Variants in IL15RA observed in about 807,000 individuals in gnomAD.
IL15RA encodes interleukin 15 receptor subunit alpha, also known as interleukin-15 receptor subunit alpha.
In IL15RA, 26 loss-of-function variants were observed where a neutral mutation model predicts 24.2. That is an observed-to-expected ratio of 1.07 (90% CI 0.79 to 1.49). The LOEUF is 1.49. IL15RA is among the 40% of genes most tolerant of loss of function. The pLI, the probability that IL15RA is intolerant of heterozygous loss-of-function variation, is 0.00. For missense variants in IL15RA, 354 were observed against 356.4 expected, an observed-to-expected ratio of 0.99 and a Z score of 0.05; for synonymous variants, 166 against 157.6, an observed-to-expected ratio of 1.05 and a Z score of -0.40.
chr10:5,960,647 G>A lies in IL15RA; in HGVS notation c.383-80C>T. The A allele has an allele frequency of 8.0e-7, 1 of 1,253,072 alleles. No individual in the cohort carries two copies. The highest frequency in any genetic ancestry group is 1.1e-6 in the Non-Finnish European group (1 of 873,358). The allele number at this position is 1,253,072 out of a possible 1,614,324, so 77.6% of individuals were successfully genotyped here. ...AGCTGCAGCACGGGGTGATGTGGGA[G>A]CTGCCATAGTGAGTCACCCTGACCA... On this transcript the variant is annotated intron_variant, in intron 3 of 6. Coordinates refer to ENST00000379977, the MANE Select transcript of IL15RA (RefSeq NM_002189.4). The surrounding 1 kb of genome is among the most constrained non-coding windows in gnomAD (Gnocchi z 5.1).
At chr10:5,976,160 C>A (rs1230071809) in intron 1 of IL15RA, among the ~76,000 whole-genome samples, 2 of 152,148 alleles carry the variant, frequency 1.3e-5, no homozygotes, top group African/African-American at 4.8e-5. Context: ...ACACTGCTAG[C>A]CAACTGGGAG....
chr10:5,951,554 C>T (rs117215854), downstream of IL15RA, among the ~76,000 whole-genome samples: 359 of 152,156 alleles, frequency 2.4e-3, 8 homozygotes, highest in East Asian at 0.062. Flanking sequence ...GGCTGGGCGC[C>T]GTGGCTCACG....
chr10:5,949,139 G>A (rs186196232), downstream of IL15RA: 5 of 450,078 alleles, frequency 1.1e-5, no homozygotes, highest in Admixed American at 9.6e-5. This position sits in a 1 kb window ranked among gnomAD's most constrained non-coding sequence, Gnocchi z 4.4. Context: ...AGGGTCATTG[G>A]GAGGAGCCCA....
Position 5,967,542 on chromosome 10 carries a change from T to C in IL15RA, c.89-1203A>G, listed in dbSNP as rs947744615. 6.6e-6 allele frequency among the ~76,000 whole-genome samples: 1 copy of C among 152,214 alleles called. No homozygotes were observed. The highest frequency in any genetic ancestry group is 2.4e-5 in the African/African-American group (1 of 41,464). On this transcript the variant is annotated intron_variant, in intron 1 of 6. Coordinates refer to ENST00000379977, the MANE Select transcript of IL15RA (RefSeq NM_002189.4). The surrounding 1 kb of genome is among the most constrained non-coding windows in gnomAD (Gnocchi z 4.4). ...CCTTTGCAACTGCAAAGACACCTTATTCCCCATGAAGCATCATTTTCCCAA... is the reference window on the plus strand; with the variant it reads ...CCTTTGCAACTGCAAAGACACCTTACTCCCCATGAAGCATCATTTTCCCAA...
At position 5,975,924 on chromosome 10, in the gene IL15RA, A is replaced by G. The variant is rs1320693751; in HGVS notation, c.88+1481T>C. On this transcript the variant is annotated intron_variant, in intron 1 of 6. Coordinates refer to ENST00000379977, the MANE Select transcript of IL15RA (RefSeq NM_002189.4). This position sits in a 1 kb window ranked among gnomAD's most constrained non-coding sequence, Gnocchi z 4.8. Reference sequence around the variant, plus strand: ...GAAAACAAGAAAGAAAGAAAAAGAAAAAGAAAAAACATTGAGAGCTTTGGG... The same window carrying G: ...GAAAACAAGAAAGAAAGAAAAAGAAGAAGAAAAAACATTGAGAGCTTTGGG... 6.6e-6 allele frequency among the ~76,000 whole-genome samples: 1 copy of G among 152,088 alleles called. No individual in the cohort carries two copies. Among genetic ancestry groups the G allele is most frequent in the African/African-American group, 2.4e-5 (1 of 41,426 alleles).
rs146869620 is a variant in IL15RA, at chr10:5,963,790, G to A, written c.335C>T (p.Thr112Met). 188 of 1,536,034 alleles carry A rather than the reference G, an allele frequency of 1.2e-4. No homozygotes were observed. In the African/African-American group the frequency reaches 2.2e-3, roughly 18 times the overall value. The change falls in exon 3 of 7, where the codon ACG becomes ATG. Residue 112 changes from threonine (T) to methionine (M), a missense_variant. Physicochemically the swap from Thr to Met is moderately conservative, Grantham distance 81. Transcript: ENST00000379977. The surrounding 1 kb of genome is among the most constrained non-coding windows in gnomAD (Gnocchi z 5.3). ...CTCTGGCTGTGGGGTCACCCCTGCC[G>A]TCGTTACTGTGGAGGGTGGCGCTGG... ...QRPAPPSTVT[T>M]AGVTPQPESL...
chr10:5,978,709 A>G (rs866636772), upstream of IL15RA, among the ~76,000 whole-genome samples: 3 of 152,310 alleles, frequency 2.0e-5, no homozygotes, highest in Middle Eastern at 3.4e-3. The surrounding 1 kb of genome is among the most constrained non-coding windows in gnomAD (Gnocchi z 5.2). Flanking sequence ...TAGCCTGGCC[A>G]ACATGGTGAA....
intron 1 of IL15RA, among the ~76,000 whole-genome samples, chr10:5,976,394 C>A (rs2132756178): frequency 6.6e-6 from 1 of 152,304 alleles, no homozygotes; most frequent in East Asian, 1.9e-4. Flanking sequence ...TATTCAGGGT[C>A]TCGCTTAAAA....
Position 5,953,128 on chromosome 10 carries a change from A to T in IL15RA, c.771T>A (p.Asp257Glu). 1 of 1,614,208 alleles carries T rather than the reference A, an allele frequency of 6.2e-7. No individual in the cohort carries two copies. Among genetic ancestry groups the T allele is most frequent in the Non-Finnish European group, 8.5e-7 (1 of 1,179,998 alleles). The change falls in exon 7 of 7, where the codon GAT becomes GAA. Residue 257 changes from aspartate to glutamate, a missense_variant. Physicochemically the swap from Asp to Glu is conservative, Grantham distance 45 (BLOSUM62 2). Coordinates refer to ENST00000379977, the MANE Select transcript of IL15RA (RefSeq NM_002189.4). The surrounding 1 kb of genome is among the most constrained non-coding windows in gnomAD (Gnocchi z 5.3). ...GGTGAGAGCAGTTTTCCAAGTCTTCATCTCTGCTGCTGGTCCCCCAAGTCA... is the reference window on the plus strand; with the variant it reads ...GGTGAGAGCAGTTTTCCAAGTCTTCTTCTCTGCTGCTGGTCCCCCAAGTCA... ...LPVTWGTSSRDEDLENCSHHL is the reference protein window; with the variant it reads ...LPVTWGTSSREEDLENCSHHL
chr10:5,960,366 C>T lies in IL15RA; in HGVS notation c.583+1G>A, dbSNP rs1835296738. On this transcript the variant is annotated splice_donor_variant, in intron 4 of 6. Coordinates refer to ENST00000379977, the MANE Select transcript of IL15RA (RefSeq NM_002189.4). LOFTEE classifies it high-confidence loss of function. This position sits in a 1 kb window ranked among gnomAD's most constrained non-coding sequence, Gnocchi z 5.1. Reference sequence around the variant, plus strand: ...TCTCCTGGGGCAAAGCGAGTGCTAACCTGGCGGCTGGTGGGAGGCGGATGC... The same window carrying T: ...TCTCCTGGGGCAAAGCGAGTGCTAATCTGGCGGCTGGTGGGAGGCGGATGC... 6.2e-7 allele frequency: 1 copy of T among 1,613,942 alleles called. No homozygotes were observed.
At position 5,970,192 on chromosome 10, in the gene IL15RA, G is replaced by A. The variant is rs776372722; in HGVS notation, c.89-3853C>T. ...ACTAGTTTAGTGGTTGTTTTAGGGTGTCCACTATATATCTTTACCTTATCA... is the reference window on the plus strand; with the variant it reads ...ACTAGTTTAGTGGTTGTTTTAGGGTATCCACTATATATCTTTACCTTATCA... On this transcript the variant is annotated intron_variant, in intron 1 of 6. Coordinates refer to ENST00000379977, the MANE Select transcript of IL15RA (RefSeq NM_002189.4). This position sits in a 1 kb window ranked among gnomAD's most constrained non-coding sequence, Gnocchi z 4.1. Among the ~76,000 whole-genome samples, 2 of 152,106 alleles carry A rather than the reference G, an allele frequency of 1.3e-5. No homozygotes were observed. Among genetic ancestry groups the A allele is most frequent in the African/African-American group, 4.8e-5 (2 of 41,412 alleles).
In IL15RA at chr10:5,963,701, G is replaced by GA. The variant is rs1434896797; in HGVS notation, c.382+41_382+42insT. ...ATTGGTGAGCGGGCCTCTGGGTGTTGGGAGGGAATGAATGTCCTCGAGAAG... is the reference window on the plus strand; with the variant it reads ...ATTGGTGAGCGGGCCTCTGGGTGTTGAGGAGGGAATGAATGTCCTCGAGAAG... On this transcript the variant is annotated intron_variant, in intron 3 of 6. Coordinates refer to ENST00000379977, the MANE Select transcript of IL15RA (RefSeq NM_002189.4). This position sits in a 1 kb window ranked among gnomAD's most constrained non-coding sequence, Gnocchi z 5.3. 4.6e-6 allele frequency: 6 copies of GA among 1,312,566 alleles called. No individual in the cohort carries two copies. The African/African-American group carries it at 9.3e-5, about 20-fold the overall frequency. The allele number at this position is 1,312,566 out of a possible 1,614,324, so 81.3% of individuals were successfully genotyped here.
Position 5,966,436 on chromosome 10 carries a change from C to T in IL15RA, c.89-97G>A, listed in dbSNP as rs958260814. On this transcript the variant is annotated intron_variant, in intron 1 of 6. Transcript: ENST00000379977. This position sits in a 1 kb window ranked among gnomAD's most constrained non-coding sequence, Gnocchi z 6.4. ...AGCGGTAGTCAGTGTCCAGCTTATCCTAGGGGTGCCTCAGGACAAGCCCCA... is the reference window on the plus strand; with the variant it reads ...AGCGGTAGTCAGTGTCCAGCTTATCTTAGGGGTGCCTCAGGACAAGCCCCA... 23 of 1,014,194 alleles carry T rather than the reference C, an allele frequency of 2.3e-5. No homozygotes were observed. In the Admixed American group the frequency reaches 4.8e-4, roughly 21 times the overall value. 62.8% of individuals were successfully genotyped at this position (1,014,194 alleles called of 1,614,324 possible).
At position 5,957,822 on chromosome 10, in the gene IL15RA, C is replaced by A. The variant is rs1361224928; in HGVS notation, c.617-1368G>T. Among the ~76,000 whole-genome samples the A allele has an allele frequency of 3.9e-5, 6 of 152,106 alleles. No homozygotes were observed. In the South Asian group the frequency reaches 8.3e-4, roughly 21 times the overall value. ...GGCCAGGCTGGTCTCGAACTCCTGG[C>A]CTCAAGTGATCTGCCCACCTTGGCC... On this transcript the variant is annotated intron_variant, in intron 5 of 6. Coordinates refer to ENST00000379977, the MANE Select transcript of IL15RA (RefSeq NM_002189.4).
chr10:5,954,341 G>C (rs551674594), intron 6 of IL15RA, among the ~76,000 whole-genome samples: 60 of 152,128 alleles, frequency 3.9e-4, no homozygotes, highest in African/African-American at 1.4e-3. Flanking sequence ...CACAAAAAAA[G>C]CGATGCATGC....
intron 1 of IL15RA, chr10:5,977,181 C>T: frequency 2.9e-6 from 1 of 346,676 alleles, no homozygotes; most frequent in Non-Finnish European, 5.2e-6. Context: ...ACGTGGGTGA[C>T]CCGGGCGCAG....
In IL15RA at chr10:5,959,846, AGCAGGAGAAAATCT is replaced by A; in HGVS notation, c.584-74_584-61del. 1 of 1,556,542 alleles carries A rather than the reference AGCAGGAGAAAATCT, an allele frequency of 6.4e-7. No homozygotes were observed. Among genetic ancestry groups the A allele is most frequent in the South Asian group, 1.1e-5 (1 of 88,896 alleles). On this transcript the variant is annotated intron_variant, in intron 4 of 6. Coordinates refer to ENST00000379977, the MANE Select transcript of IL15RA (RefSeq NM_002189.4). This position sits in a 1 kb window ranked among gnomAD's most constrained non-coding sequence, Gnocchi z 4.1. ...TCCTAGAGGTCCTAGTTCCTCATGA[AGCAGGAGAAAATCT>A]GCATGGCTTGGCTCCCATCTTAGCA... is the stretch of plus-strand genomic sequence containing the variant.
chr10:5,956,336 G>C (rs1834513432), intron 6 of IL15RA, 43 bp downstream of exon 6: 1 of 1,497,500 alleles, frequency 6.7e-7, no homozygotes. Flanking sequence ...TTTTCTCATG[G>C]GGAAGTCTAA....
rs1291409193 is a variant in IL15RA at position 5,955,402 on chromosome 10, G to T, written c.692+977C>A. ...GCATGAGCTACCGTGCCCAGCCAGG[G>T]TCACATAATTTTTATATTGATATCA... On this transcript the variant is annotated intron_variant, in intron 6 of 6. Transcript: ENST00000379977. The surrounding 1 kb of genome is among the most constrained non-coding windows in gnomAD (Gnocchi z 5.3). Among the ~76,000 whole-genome samples, 2 of 152,020 alleles carry T rather than the reference G, an allele frequency of 1.3e-5. No homozygotes were observed. Among genetic ancestry groups the T allele is most frequent in the Non-Finnish European group, 2.9e-5 (2 of 68,014 alleles).
Sources: allele counts gnomAD v4.1 joint callset (sites outside exome capture counted in the v4.1 genomes callset), GRCh38; gene constraint gnomAD v4.1.1; non-coding constraint Gnocchi (gnomAD v3.1); transcripts MANE v1.5; gene names NCBI Gene and HGNC (gene_info 2026-07-23, HGNC 2026-07-21).